Variants in MBNL2 observed in about 807,000 individuals in gnomAD.
The protein encoded by MBNL2 is muscleblind-like protein 2.
Under a neutral mutation model 41.9 loss-of-function variants are expected in MBNL2, and 17 were observed. The ratio of observed to expected loss-of-function variants is 0.41; its 90% CI spans 0.28 to 0.61. The LOEUF is 0.61. Ranked by LOEUF, MBNL2 falls within the 20% of genes least tolerant of loss-of-function variation. The probability of loss-of-function intolerance (pLI) is 0.35; values close to 1 mark genes in which losing one functional copy is unlikely to be tolerated. For missense variants in MBNL2, 336 were observed against 505.6 expected (o/e 0.66, Z 3.22); for synonymous variants, 195 against 182.9 (o/e 1.07, Z -0.53).
At chr13:97,184,981 G>A in the MBNL2 span, among the ~76,000 whole-genome samples, 1 of 152,088 alleles carries the variant, frequency 6.6e-6, no homozygotes, top group Non-Finnish European at 1.5e-5. Flanking sequence ...TGTTTCTAAT[G>A]AAACAACAAT....
chr13:97,296,976 C>G, intron 2 of MBNL2, among the ~76,000 whole-genome samples: 1 of 152,160 alleles, frequency 6.6e-6, no homozygotes, highest in South Asian at 2.1e-4. Context: ...TAGGAAAGGG[C>G]ATCCCAGTCA....
intron 1 of MBNL2, among the ~76,000 whole-genome samples, chr13:97,273,332 T>C (rs2051480485): frequency 6.6e-6 from 1 of 152,238 alleles, no homozygotes; most frequent in Non-Finnish European, 1.5e-5. Flanking sequence ...TTGTTCTCCA[T>C]GGGAGCTAGA....
chr13:97,233,127 A>C (rs1384829552), intron 1 of MBNL2, among the ~76,000 whole-genome samples: 1 of 8,024 alleles, frequency 1.2e-4, no homozygotes, highest in Non-Finnish European at 2.2e-4. Flanking sequence ...GCTCTTTTTC[A>C]TATATATATA....
chr13:97,328,685 G>C (rs985647267), intron 2 of MBNL2, among the ~76,000 whole-genome samples: 13 of 152,292 alleles, frequency 8.5e-5, no homozygotes, highest in African/African-American at 2.9e-4. Flanking sequence ...GCGGGGGCCT[G>C]TTAACTGAAT....
chr13:97,333,885 TC>T (rs1465471247), intron 2 of MBNL2, among the ~76,000 whole-genome samples: 1 of 150,608 alleles, frequency 6.6e-6, no homozygotes, highest in African/African-American at 2.4e-5. Context: ...CAGTCACACT[TC>T]TTTGGAATCT....
chr13:97,244,383 C>T (rs768728905), intron 1 of MBNL2, among the ~76,000 whole-genome samples: 7 of 152,162 alleles, frequency 4.6e-5, no homozygotes, highest in South Asian at 2.1e-4. Flanking sequence ...GCCAGTGTCT[C>T]GTTAACACTG....
rs142936262 is a variant in MBNL2, at chr13:97,342,386, C to G, written c.340-630C>G. Among the ~76,000 whole-genome samples, 16 of 152,250 alleles carry G rather than the reference C, an allele frequency of 1.1e-4. No homozygotes were observed. The East Asian group carries it at 3.1e-3, about 29-fold the overall frequency. On this transcript the variant is annotated intron_variant, in intron 3 of 8. Transcript: ENST00000679496. ...AATATTGTTTGATTAAAAAGCTCTT[C>G]CAGAAAACCTTTCAGGAAGGGAAGA...
chr13:97,325,973 G>GT (rs35560622), intron 2 of MBNL2, among the ~76,000 whole-genome samples: 23,255 of 152,086 alleles, frequency 0.15, 1,902 homozygotes, highest in African/African-American at 0.2. Flanking sequence ...TGGCCTGAAG[G>GT]TTTTTCCCAG....
chr13:97,324,007 A>G (rs2059713717), intron 2 of MBNL2, among the ~76,000 whole-genome samples: 1 of 152,164 alleles, frequency 6.6e-6, no homozygotes, highest in Admixed American at 6.6e-5. Flanking sequence ...GCTGTCAAAT[A>G]GTAGGTCTTA....
chr13:97,374,063 A>ATTTTTTTTTTTTTTTT lies in MBNL2; in HGVS notation c.1048+8906_1048+8921dup, dbSNP rs61185219. Among the ~76,000 whole-genome samples the ATTTTTTTTTTTTTTTT allele has an allele frequency of 1.3e-3, 84 of 63,100 alleles. 11 individuals carry two copies. The highest frequency in any genetic ancestry group is 1.9e-3 in the Non-Finnish European group (61 of 32,508). 41.4% of individuals were successfully genotyped at this position (63,100 alleles called of 152,430 possible). A position where few individuals can be genotyped will look rare whatever the true frequency, so the allele number is the denominator to read the frequency against. On this transcript the variant is annotated intron_variant, in intron 8 of 8. Transcript: ENST00000679496. ...CACCTCAAATCCCATCCTCCTTTGC[A>ATTTTTTTTTTTTTTTT]TTTTTTTTTTTTTTTTTTTTTTTTT...
At chr13:97,159,951 T>C in the MBNL2 span, among the ~76,000 whole-genome samples, 1 of 152,096 alleles carries the variant, frequency 6.6e-6, no homozygotes, top group Non-Finnish European at 1.5e-5. Flanking sequence ...CCTGCCTTGC[T>C]AGATTGGGGA....
At position 97,393,266 on chromosome 13, in the gene MBNL2, CTTTTTTCTGT is replaced by C. The variant is rs1335640590; in HGVS notation, c.*1826_*1835del. 2.6e-5 allele frequency: 4 copies of C among 152,208 alleles called. No individual in the cohort carries two copies. The highest frequency in any genetic ancestry group is 4.4e-5 in the Non-Finnish European group (3 of 67,830). 9.4% of individuals were successfully genotyped at this position (152,208 alleles called of 1,614,324 possible). A position where few individuals can be genotyped will look rare whatever the true frequency, so the allele number is the denominator to read the frequency against. On this transcript the variant is annotated 3_prime_UTR_variant, in exon 9 of 9. Transcript: ENST00000679496. ...TGCCTAAAACATTCAAACTTGTTTTCTTTTTTCTGTTTTTTTCTTTGTTAATTCATTTAAA... is the reference window on the plus strand; with the variant it reads ...TGCCTAAAACATTCAAACTTGTTTTCTTTTTTCTTTGTTAATTCATTTAAA...
upstream of MBNL2, among the ~76,000 whole-genome samples, chr13:97,221,251 CT>C (rs3840811): frequency 3.3e-5 from 5 of 151,638 alleles, no homozygotes; most frequent in East Asian, 3.9e-4. Flanking sequence ...AATCATCATA[CT>C]TTTTTTTTCT....
intron 8 of MBNL2, among the ~76,000 whole-genome samples, chr13:97,379,903 T>C (rs1395331650): frequency 6.6e-6 from 1 of 152,228 alleles, no homozygotes; most frequent in Non-Finnish European, 1.5e-5. Flanking sequence ...TTTTATGCTA[T>C]GTCTATTTTG....
intron 2 of MBNL2, among the ~76,000 whole-genome samples, chr13:97,314,160 C>T (rs1469058035): frequency 6.6e-6 from 1 of 152,118 alleles, no homozygotes; most frequent in South Asian, 2.1e-4. Context: ...CTGCTCTAGC[C>T]ACACTGACCT....
At chr13:97,364,307 T>G (rs1316297442) in intron 7 of MBNL2, among the ~76,000 whole-genome samples, 2 of 152,224 alleles carry the variant, frequency 1.3e-5, no homozygotes, top group Non-Finnish European at 2.9e-5. Context: ...GGGATCACTT[T>G]GTAGTAGTCA....
chr13:97,305,151 TCTTGA>T (rs2058013429), intron 2 of MBNL2, among the ~76,000 whole-genome samples: 2 of 152,250 alleles, frequency 1.3e-5, no homozygotes, highest in East Asian at 1.9e-4. Context: ...CCAGTTAGCA[TCTTGA>T]CTTGACTTCT....
At chr13:97,227,185 C>T (rs1165019295) in intron 1 of MBNL2, among the ~76,000 whole-genome samples, 12 of 152,036 alleles carry the variant, frequency 7.9e-5, no homozygotes, top group African/African-American at 4.8e-5. Context: ...GGTTCAGGGA[C>T]GCAGCCTGGG....
chr13:97,263,258 C>T (rs1458903407), intron 1 of MBNL2, among the ~76,000 whole-genome samples: 1 of 152,170 alleles, frequency 6.6e-6, no homozygotes, highest in Non-Finnish European at 1.5e-5. Flanking sequence ...TAACCAATTT[C>T]CCCTCCCCTG....
Sources: allele counts gnomAD v4.1 joint callset (sites outside exome capture counted in the v4.1 genomes callset), GRCh38; gene constraint gnomAD v4.1.1; transcripts MANE v1.5; gene names NCBI Gene and HGNC (gene_info 2026-07-23, HGNC 2026-07-21).